Variants in RPN2 observed in about 807,000 individuals in gnomAD.
The protein encoded by RPN2 is ribophorin II.
Under a neutral mutation model 71.4 loss-of-function variants are expected in RPN2, and 29 were observed. The observed-to-expected ratio is 0.41, with a 90% CI of 0.30 to 0.55. The LOEUF (loss-of-function observed/expected upper bound fraction) is 0.55, where lower values mean the gene tolerates loss of function less well. RPN2 is among the 20% of genes least tolerant of loss of function. The pLI is 0.35. For missense variants in RPN2, 726 were observed against 774.1 expected (o/e 0.94, Z 0.74); for synonymous variants, 308 against 305.0 (o/e 1.01, Z -0.10).
At chr20:37,221,175 A>C (rs1307250049) in intron 9 of RPN2, among the ~76,000 whole-genome samples, 1 of 150,692 alleles carries the variant, frequency 6.6e-6, no homozygotes, top group Non-Finnish European at 1.5e-5. Flanking sequence ...ATTAGGAGAC[A>C]CTGAAGACTT....
At chr20:37,216,973 C>G (rs1269160106) in intron 9 of RPN2, among the ~76,000 whole-genome samples, 2 of 151,770 alleles carry the variant, frequency 1.3e-5, no homozygotes, top group African/African-American at 4.8e-5. Context: ...TTCTACCACC[C>G]AGGCTGGAGT....
chr20:37,213,442 A>T (rs1762334651), intron 8 of RPN2, among the ~76,000 whole-genome samples: 1 of 152,234 alleles, frequency 6.6e-6, no homozygotes, highest in East Asian at 1.9e-4. Context: ...CTGCAAAATT[A>T]TCTGGACGTG....
intron 2 of RPN2, among the ~76,000 whole-genome samples, chr20:37,190,807 T>C (rs2067122579): frequency 6.6e-6 from 1 of 152,214 alleles, no homozygotes; most frequent in Non-Finnish European, 1.5e-5. Context: ...TTATGAAATG[T>C]GCTGTGTTGA....
chr20:37,204,752 G>A lies in RPN2; in HGVS notation c.556-15G>A. On this transcript the variant is annotated splice_polypyrimidine_tract_variant and intron_variant, in intron 5 of 16. Coordinates refer to ENST00000237530, the MANE Select transcript of RPN2 (RefSeq NM_002951.5). ...GTTACTTGACATCCAGCATATTTCTGTTTTGTTATGGCAGGACCTTGTTGC... is the reference window on the plus strand; with the variant it reads ...GTTACTTGACATCCAGCATATTTCTATTTTGTTATGGCAGGACCTTGTTGC... 6.2e-7 allele frequency: 1 copy of A among 1,614,156 alleles called. No homozygotes were observed. Among genetic ancestry groups the A allele is most frequent in the Non-Finnish European group, 8.5e-7 (1 of 1,180,018 alleles).
intron 2 of RPN2, among the ~76,000 whole-genome samples, chr20:37,192,197 G>C (rs999857919): frequency 6.6e-6 from 1 of 152,194 alleles, no homozygotes; most frequent in African/African-American, 2.4e-5. Flanking sequence ...GTAGTGCCTG[G>C]CACATGATGA....
At chr20:37,222,273 C>T (rs146320435) in intron 9 of RPN2, among the ~76,000 whole-genome samples, 1 of 152,274 alleles carries the variant, frequency 6.6e-6, no homozygotes, top group East Asian at 1.9e-4. Context: ...ATAATTTCAC[C>T]CAGTTGCCTA....
chr20:37,233,272 G>A (rs1044690383), intron 14 of RPN2, among the ~76,000 whole-genome samples: 2 of 152,066 alleles, frequency 1.3e-5, no homozygotes, highest in African/African-American at 4.8e-5. Flanking sequence ...TCTCTGAGGA[G>A]TGGACATTCT....
chr20:37,239,601 G>C (rs956069746), intron 16 of RPN2, among the ~76,000 whole-genome samples: 1 of 151,926 alleles, frequency 6.6e-6, no homozygotes, highest in Non-Finnish European at 1.5e-5. Flanking sequence ...TTGTTTGTTT[G>C]TTTGTTTCCA....
chr20:37,195,180 G>T (rs2067228131), intron 2 of RPN2, among the ~76,000 whole-genome samples: 1 of 152,196 alleles, frequency 6.6e-6, no homozygotes, highest in Non-Finnish European at 1.5e-5. Flanking sequence ...AGAGTTTCCA[G>T]TCCCCCGACA....
Position 37,210,051 on chromosome 20 carries a change from A to T in RPN2, c.872A>T (p.Gln291Leu). The T allele has an allele frequency of 6.2e-7, 1 of 1,613,956 alleles. No individual in the cohort carries two copies. Residue 291 changes from glutamine to leucine, a missense_variant, in exon 8 of 17, where the codon CAA (glutamine) becomes CTA (leucine). Transcript: ENST00000237530. The stretch of plus-strand genomic sequence containing the variant: ...TAATTTTTTATTTATTTCCAGTTGC[A>T]AGTCACCAATGTTCTGTCTCAGCCT... ...DTHEQAILRLQVTNVLSQPLT... is the reference protein window; with the variant it reads ...DTHEQAILRLLVTNVLSQPLT...
intron 8 of RPN2, 103 bp from the exon 9 acceptor site, chr20:37,213,657 G>C: frequency 1.1e-6 from 1 of 875,854 alleles, no homozygotes; most frequent in East Asian, 2.5e-5. Flanking sequence ...TAAGGAGTTG[G>C]CTAGCCTTGG....
chr20:37,239,784 A>C (rs2068504347), intron 16 of RPN2, among the ~76,000 whole-genome samples: 1 of 151,090 alleles, frequency 6.6e-6, no homozygotes, highest in African/African-American at 2.4e-5. Flanking sequence ...CCCTTCTCCC[A>C]CCCCCACTCC....
intron 2 of RPN2, among the ~76,000 whole-genome samples, chr20:37,190,751 C>G (rs2067121805): frequency 6.6e-6 from 1 of 152,024 alleles, no homozygotes; most frequent in South Asian, 2.1e-4. Context: ...AATGTGCCTG[C>G]TAATCAGAAA....
At chr20:37,236,853 C>G (rs866235730) in intron 16 of RPN2, 144 bp downstream of exon 16, 1 of 815,212 alleles carries the variant, frequency 1.2e-6, no homozygotes, top group Non-Finnish European at 2.1e-6. Flanking sequence ...GTACAGAAGC[C>G]AGAAGCACTT....
chr20:37,223,635 CTT>C (rs11482722), intron 9 of RPN2, among the ~76,000 whole-genome samples: 10 of 142,796 alleles, frequency 7.0e-5, no homozygotes, highest in Admixed American at 6.9e-5. Context: ...TTTTCTTCTT[CTT>C]TTTTTTTTTT....
chr20:37,232,413 G>A, intron 14 of RPN2, 22 bp downstream of exon 14: 3 of 1,613,676 alleles, frequency 1.9e-6, no homozygotes, highest in Non-Finnish European at 1.7e-6. Context: ...TAATTAGCGT[G>A]GGCAGCATGC....
At chr20:37,204,700 C>T in intron 5 of RPN2, 67 bp from the exon 6 acceptor site, 1 of 1,559,532 alleles carries the variant, frequency 6.4e-7, no homozygotes, top group Non-Finnish European at 8.8e-7. Context: ...GTGGGGTTGA[C>T]AGTGGTTCGT....
chr20:37,226,585 G>A (rs1037412658), intron 11 of RPN2, among the ~76,000 whole-genome samples: 11 of 152,248 alleles, frequency 7.2e-5, no homozygotes, highest in Admixed American at 4.6e-4. Flanking sequence ...AAGACCCAAA[G>A]CATTTTTTTA....
intron 9 of RPN2, among the ~76,000 whole-genome samples, chr20:37,214,357 C>T (rs1048559935): frequency 1.3e-5 from 2 of 152,202 alleles, no homozygotes; most frequent in African/African-American, 4.8e-5. Flanking sequence ...GTTTAGCTAA[C>T]TCTAGCTGGG....
Sources: allele counts gnomAD v4.1 joint callset (sites outside exome capture counted in the v4.1 genomes callset), GRCh38; gene constraint gnomAD v4.1.1; transcripts MANE v1.5; gene names NCBI Gene and HGNC (gene_info 2026-07-23, HGNC 2026-07-21).